Variants in HECTD4 observed in about 807,000 individuals in gnomAD.
The protein encoded by HECTD4 is probable E3 ubiquitin-protein ligase HECTD4.
In HECTD4, 114 loss-of-function variants were observed where a neutral mutation model predicts 471.5. That is an observed-to-expected ratio of 0.24 (90% CI 0.21 to 0.28). HECTD4 has a LOEUF of 0.28. Among genes scored for constraint, HECTD4 ranks in the 10% least tolerant of loss-of-function variants. The probability of loss-of-function intolerance (pLI) is 1.00; values close to 1 mark genes in which losing one functional copy is unlikely to be tolerated. For synonymous variants in HECTD4, 2,012 were observed against 2,256.0 expected (o/e 0.89, Z 3.07); for missense variants, 3,866 against 5,651.5 (o/e 0.68, Z 10.13).
At chr12:112,231,151 T>C (rs1215569207) in intron 39 of HECTD4, 1 of 440,818 alleles carries the variant, frequency 2.3e-6, no homozygotes, top group Non-Finnish European at 4.1e-6. Flanking sequence ...AACACTTAAC[T>C]GCTGCTTCTG....
chr12:112,192,945 G>T (rs2032131906), intron 58 of HECTD4, 116 bp downstream of exon 58: 6 of 1,327,284 alleles, frequency 4.5e-6, no homozygotes, highest in Non-Finnish European at 6.3e-6. Flanking sequence ...GGAGAGAATT[G>T]TAAGTCATTT....
chr12:112,257,156 C>T (rs549106901), intron 20 of HECTD4, among the ~76,000 whole-genome samples: 6 of 152,254 alleles, frequency 3.9e-5, no homozygotes, highest in African/African-American at 1.2e-4. Context: ...CTTTCAACTC[C>T]GAAGCTTGAG....
chr12:112,252,528 C>G lies in HECTD4; in HGVS notation c.3448G>C (p.Val1150Leu). ...GAGAAGGTGACTGTATCTCCTTCCA[C>G]CTTAAAATTTAAGGAAGGGGGGGAA... ...GTGWPKDLVK[V>L]EGDTVTFSFE... The change falls in exon 23 of 76, where the codon GTG (valine) becomes CTG (leucine). Residue 1150 changes from valine to leucine, a missense_variant and splice_region_variant. By Grantham distance (32) the Val-to-Leu change is conservative. Transcript: ENST00000682272. 1 of 1,607,968 alleles carries G rather than the reference C, an allele frequency of 6.2e-7. No individual in the cohort carries two copies. The highest frequency in any genetic ancestry group is 8.5e-7 in the Non-Finnish European group (1 of 1,177,492).
intron 41 of HECTD4, 23 bp downstream of exon 41, chr12:112,229,675 T>C (rs1447974650): frequency 1.3e-6 from 2 of 1,594,888 alleles, no homozygotes; most frequent in South Asian, 1.1e-5. Flanking sequence ...AAGCAATGAT[T>C]TGGGGAACAT....
chr12:112,379,330 G>A (rs759739881), intron 1 of HECTD4, among the ~76,000 whole-genome samples: 2 of 152,176 alleles, frequency 1.3e-5, no homozygotes, highest in Non-Finnish European at 2.9e-5. Flanking sequence ...ATTTCCAATT[G>A]TTAGGCTCTT....
At chr12:112,355,127 G>A (rs965560506) in intron 1 of HECTD4, among the ~76,000 whole-genome samples, 1 of 150,824 alleles carries the variant, frequency 6.6e-6, no homozygotes, top group South Asian at 2.1e-4. Context: ...ATTCAGGTGC[G>A]TGCCACCAGG....
Position 112,248,183 on chromosome 12 carries a change from A to G in HECTD4, c.4144-12T>C. 6.3e-7 allele frequency: 1 copy of G among 1,597,584 alleles called. No individual in the cohort carries two copies. Among genetic ancestry groups the G allele is most frequent in the Middle Eastern group, 1.7e-4 (1 of 6,018 alleles). ...AGTTCTGCAACACTCTAATAAATAC[A>G]TTAAAATAGATGCAAAATAAAAACA... On this transcript the variant is annotated splice_polypyrimidine_tract_variant and intron_variant, in intron 26 of 75. Coordinates refer to ENST00000682272, the MANE Select transcript of HECTD4 (RefSeq NM_001388303.1).
chr12:112,254,243 T>G, intron 21 of HECTD4, 81 bp from the exon 22 acceptor site: 2 of 1,522,186 alleles, frequency 1.3e-6, no homozygotes, highest in Non-Finnish European at 1.8e-6. Context: ...GCAAAAACAT[T>G]TGTTTAAAAT....
intron 8 of HECTD4, 37 bp downstream of exon 8, chr12:112,283,073 A>G: frequency 6.4e-7 from 1 of 1,558,186 alleles, no homozygotes; most frequent in South Asian, 1.1e-5. Flanking sequence ...ACAGAGCTAT[A>G]CAAGGAAACA....
chr12:112,231,769 T>C, intron 38 of HECTD4, 54 bp from the exon 39 acceptor site: 5 of 1,469,666 alleles, frequency 3.4e-6, no homozygotes, highest in Non-Finnish European at 4.6e-6. Context: ...CCCAGCACTA[T>C]ATTTTTCAAG....
chr12:112,199,597 G>A (rs1374043975), intron 55 of HECTD4, among the ~76,000 whole-genome samples: 1 of 152,178 alleles, frequency 6.6e-6, no homozygotes, highest in Non-Finnish European at 1.5e-5. Context: ...ATTATTACAA[G>A]ACATTTTAAG....
intron 39 of HECTD4, 86 bp downstream of exon 39, chr12:112,231,427 G>A (rs1016093086): frequency 7.8e-7 from 1 of 1,287,094 alleles, no homozygotes; most frequent in Admixed American, 1.7e-5. Flanking sequence ...TCAAGGGGAT[G>A]GTAGAAAATT....
intron 7 of HECTD4, among the ~76,000 whole-genome samples, chr12:112,299,024 C>T (rs1287664884): frequency 6.6e-6 from 1 of 152,008 alleles, no homozygotes; most frequent in Non-Finnish European, 1.5e-5. Flanking sequence ...CCCAAGTTAG[C>T]GTTTAAGGAA....
At chr12:112,258,631 C>G in intron 19 of HECTD4, 35 bp from the exon 20 acceptor site, 1 of 1,535,850 alleles carries the variant, frequency 6.5e-7, no homozygotes. Context: ...TCTTCCAGGG[C>G]TACTGTCAGT....
intron 44 of HECTD4, 92 bp from the exon 45 acceptor site, chr12:112,219,581 T>C (rs1288746781): frequency 1.2e-6 from 1 of 834,680 alleles, no homozygotes; most frequent in Non-Finnish European, 1.9e-6. Context: ...AACAATAAAA[T>C]GCACTTATAG....
intron 7 of HECTD4, among the ~76,000 whole-genome samples, chr12:112,294,207 A>G (rs994902950): frequency 1.3e-5 from 2 of 152,204 alleles, no homozygotes; most frequent in Non-Finnish European, 2.9e-5. Flanking sequence ...GCACTTATCA[A>G]TACTCCTAAG....
Position 112,319,857 on chromosome 12 carries a change from T to A in HECTD4, c.178-115A>T. On this transcript the variant is annotated intron_variant, in intron 1 of 75. Coordinates refer to ENST00000682272, the MANE Select transcript of HECTD4 (RefSeq NM_001388303.1). This position sits in a 1 kb window ranked among gnomAD's most constrained non-coding sequence, Gnocchi z 5.3. ...AGTCAACGCCAAAAATTATTTTAAT[T>A]ACAATCAAATGGAAAACGTATACTG... The A allele has an allele frequency of 1.4e-6, 1 of 703,126 alleles. No homozygotes were observed. The highest frequency in any genetic ancestry group is 2.0e-6 in the Non-Finnish European group (1 of 504,038). The allele number at this position is 703,126 out of a possible 1,614,324, so 43.6% of individuals were successfully genotyped here.
Position 112,274,834 on chromosome 12 carries a change from G to A in HECTD4, c.1801+13C>T, listed in dbSNP as rs748620775. On this transcript the variant is annotated intron_variant, in intron 10 of 75. Transcript: ENST00000682272. ...TGAAATTTTCCAAAGATATGTGCAA[G>A]TTTATTTCTTACCCAATCCTGGTAC... 93 of 1,501,274 alleles carry A rather than the reference G, an allele frequency of 6.2e-5. No homozygotes were observed. Among genetic ancestry groups the A allele is most frequent in the Non-Finnish European group, 6.2e-5 (68 of 1,102,348 alleles). 93.0% of individuals were successfully genotyped at this position (1,501,274 alleles called of 1,614,324 possible).
chr12:112,255,595 A>G (rs1447921648), intron 21 of HECTD4, among the ~76,000 whole-genome samples: 2 of 152,190 alleles, frequency 1.3e-5, no homozygotes, highest in Non-Finnish European at 2.9e-5. Context: ...ATTTGCCCTC[A>G]CACAGTTCAC....
Sources: gnomAD v4.1 joint callset for allele counts (sites outside exome capture counted in the v4.1 genomes callset) on GRCh38, gnomAD v4.1.1 for gene constraint, Gnocchi (gnomAD v3.1) non-coding constraint, MANE v1.5 for transcripts, NCBI Gene and HGNC (gene_info 2026-07-23, HGNC 2026-07-21) for gene names.